TEX2: variants seen among roughly 807,000 people sequenced by gnomAD.
TEX2 encodes testis expressed 2, also known as testis-expressed protein 2.
A neutral mutation model predicts 106.9 loss-of-function variants in TEX2; 53 were observed. The ratio of observed to expected loss-of-function variants is 0.50; its 90% CI spans 0.40 to 0.62. TEX2 has a LOEUF of 0.62. Ranked by LOEUF, TEX2 falls within the 20% of genes least tolerant of loss-of-function variation. The probability of loss-of-function intolerance (pLI) is 0.00; values close to 1 mark genes in which losing one functional copy is unlikely to be tolerated. For missense variants in TEX2, 1,207 were observed against 1,379.0 expected (o/e 0.88, Z 1.98); for synonymous variants, 523 against 534.8 (o/e 0.98, Z 0.30).
Position 64,214,231 on chromosome 17 carries a change from A to G in TEX2, c.-14T>C, listed in dbSNP as rs782577678. The G allele has an allele frequency of 1.2e-6, 2 of 1,607,130 alleles. No individual in the cohort carries two copies. The highest frequency in any genetic ancestry group is 2.2e-5 in the East Asian group (1 of 44,770). ...CAGACTTGTCATTGCCGGCTTCACA[A>G]GGGCTCAGGCTCTGTGAAAACAGTG... On this transcript the variant is annotated 5_prime_UTR_variant, in exon 2 of 12. Transcript: ENST00000584379.
intron 1 of TEX2, among the ~76,000 whole-genome samples, chr17:64,216,089 C>T (rs895675185): frequency 6.6e-6 from 1 of 152,188 alleles, no homozygotes; most frequent in African/African-American, 2.4e-5. Flanking sequence ...ATTTGTGACC[C>T]TCAGGCTTTC....
intron 7 of TEX2, 34 bp downstream of exon 7, chr17:64,171,066 T>C (rs746181543): frequency 6.5e-7 from 1 of 1,544,804 alleles, no homozygotes; most frequent in Non-Finnish European, 8.9e-7. Flanking sequence ...AAGGATATAT[T>C]TTAACACTCA....
Position 64,148,087 on chromosome 17 carries a change from T to C in TEX2, c.*882A>G, listed in dbSNP as rs1222094591. On this transcript the variant is annotated 3_prime_UTR_variant, in exon 12 of 12. Transcript: ENST00000584379. ...GAAGGGAAATCTGCCCATGGAACTCTCCCAATCAGATTAACAAACTGTTTC... is the reference window on the plus strand; with the variant it reads ...GAAGGGAAATCTGCCCATGGAACTCCCCCAATCAGATTAACAAACTGTTTC... 2 of 152,420 alleles carry C rather than the reference T, an allele frequency of 1.3e-5. No individual in the cohort carries two copies. Among genetic ancestry groups the C allele is most frequent in the African/African-American group, 4.8e-5 (2 of 41,410 alleles). The allele number at this position is 152,420 out of a possible 1,614,324, so 9.4% of individuals were successfully genotyped here.
intron 1 of TEX2, among the ~76,000 whole-genome samples, chr17:64,262,201 A>T (rs1472818862): frequency 6.6e-6 from 1 of 152,220 alleles, no homozygotes; most frequent in Non-Finnish European, 1.5e-5. Flanking sequence ...CAAGGAGCCC[A>T]CAATTTTCCC....
chr17:64,197,185 T>C (rs1222801556), intron 2 of TEX2, among the ~76,000 whole-genome samples: 4 of 152,066 alleles, frequency 2.6e-5, no homozygotes, highest in African/African-American at 7.2e-5. Context: ...TGGAAGTTTG[T>C]GTAGAATTAA....
intron 8 of TEX2, chr17:64,155,908 G>C (rs954810875): frequency 6.6e-6 from 1 of 152,314 alleles, no homozygotes; most frequent in African/African-American, 2.4e-5. Flanking sequence ...CTGTGTCTGA[G>C]CCCAGAGACT....
rs114146305 is a variant in TEX2, at chr17:64,188,513, C to G, written c.2177-98G>C. ...AAGCAGCTACAATGCTATCAAATGACTGTTTAAAAATATTTATAAGGGGCT... is the reference window on the plus strand; with the variant it reads ...AAGCAGCTACAATGCTATCAAATGAGTGTTTAAAAATATTTATAAGGGGCT... On this transcript the variant is annotated intron_variant, in intron 4 of 11. Coordinates refer to ENST00000584379, the MANE Select transcript of TEX2 (RefSeq NM_001288732.2). 5.1e-6 allele frequency: 8 copies of G among 1,559,518 alleles called. No homozygotes were observed. In the African/African-American group the frequency reaches 1.1e-4, roughly 21 times the overall value.
chr17:64,214,783 T>C (rs1449694388), intron 1 of TEX2, among the ~76,000 whole-genome samples: 1 of 152,218 alleles, frequency 6.6e-6, no homozygotes, highest in Non-Finnish European at 1.5e-5. Flanking sequence ...TGCAAGTAAG[T>C]AGCAAAGTAT....
intron 1 of TEX2, among the ~76,000 whole-genome samples, chr17:64,262,426 A>G (rs576723668): frequency 6.6e-6 from 1 of 152,330 alleles, no homozygotes; most frequent in Admixed American, 6.5e-5. Flanking sequence ...ACTCCCCTGC[A>G]CCAACTCCCA....
At chr17:64,228,779 T>C (rs1231660099) in intron 1 of TEX2, among the ~76,000 whole-genome samples, 20 of 152,206 alleles carry the variant, frequency 1.3e-4, no homozygotes, top group African/African-American at 4.8e-4. Context: ...CATAGGCATT[T>C]TGTGTGCATA....
chr17:64,196,274 T>G (rs1598166696), intron 2 of TEX2, among the ~76,000 whole-genome samples: 1 of 151,952 alleles, frequency 6.6e-6, no homozygotes, highest in South Asian at 2.1e-4. Context: ...TCCAAAAGAG[T>G]AGAGAATTAG....
intron 1 of TEX2, among the ~76,000 whole-genome samples, chr17:64,249,835 T>C (rs1205688215): frequency 1.3e-5 from 2 of 152,188 alleles, no homozygotes; most frequent in Non-Finnish European, 2.9e-5. Context: ...GTTTGGTTTC[T>C]GGCTCAGAGC....
Position 64,214,052 on chromosome 17 carries a change from A to C in TEX2, c.166T>G (p.Phe56Val). ...EEEEEEFREY[F>V]EEGLDDQSIV... ...CTTTGGTCATCCAGCCCCTCCTCAA[A>C]GTACTCCCTGAACTCCTCCTCCTCT... Residue 56 changes from phenylalanine (F) to valine (V), a missense_variant, in exon 2 of 12, where the codon TTT becomes GTT. This residue lies in a region of TEX2 where 1,067 missense variants were observed against 1,193.6 expected (regional missense o/e 0.89). Transcript: ENST00000584379. 6.2e-7 allele frequency: 1 copy of C among 1,614,148 alleles called. No individual in the cohort carries two copies. Among genetic ancestry groups the C allele is most frequent in the Non-Finnish European group, 8.5e-7 (1 of 1,180,022 alleles).
intron 5 of TEX2, among the ~76,000 whole-genome samples, chr17:64,179,455 G>T (rs570057918): frequency 6.6e-6 from 1 of 152,326 alleles, no homozygotes; most frequent in Admixed American, 6.5e-5. Flanking sequence ...CCCTTACACA[G>T]TGTGGAAGCT....
chr17:64,199,817 C>G (rs1385636497), intron 2 of TEX2, among the ~76,000 whole-genome samples: 1 of 152,194 alleles, frequency 6.6e-6, no homozygotes, highest in East Asian at 1.9e-4. Flanking sequence ...AGAGACAGTT[C>G]AGGGCCAGTT....
At chr17:64,182,026 A>G (rs1216981169) in intron 5 of TEX2, among the ~76,000 whole-genome samples, 2 of 152,122 alleles carry the variant, frequency 1.3e-5, no homozygotes, top group South Asian at 2.1e-4. Flanking sequence ...ATATGTGTAC[A>G]CTGATGTTCA....
At chr17:64,238,200 T>TGA (rs2033812808) in intron 1 of TEX2, among the ~76,000 whole-genome samples, 1 of 152,082 alleles carries the variant, frequency 6.6e-6, no homozygotes, top group African/African-American at 2.4e-5. Context: ...CTCAGGAAGC[T>TGA]GAGGCAAGAG....
intron 1 of TEX2, among the ~76,000 whole-genome samples, chr17:64,259,355 G>A (rs1462629457): frequency 6.6e-6 from 1 of 152,172 alleles, no homozygotes; most frequent in Non-Finnish European, 1.5e-5. Flanking sequence ...AGTTTGGAAA[G>A]GAGCAACACA....
At position 64,195,116 on chromosome 17, in the gene TEX2, T is replaced by C. The variant is rs776279941; in HGVS notation, c.1645-21A>G. On this transcript the variant is annotated intron_variant, in intron 2 of 11. Transcript: ENST00000584379. The surrounding 1 kb of genome is among the most constrained non-coding windows in gnomAD (Gnocchi z 4.1). ...CATCCCTGATGAAGAAAAACTTCCATTAGTAATATCAGAATAATCGCAAAT... is the reference window on the plus strand; with the variant it reads ...CATCCCTGATGAAGAAAAACTTCCACTAGTAATATCAGAATAATCGCAAAT... The C allele has an allele frequency of 6.2e-7, 1 of 1,609,324 alleles. No individual in the cohort carries two copies. The highest frequency in any genetic ancestry group is 1.1e-5 in the South Asian group (1 of 90,940).
Sources: gnomAD v4.1 joint callset for allele counts (sites outside exome capture counted in the v4.1 genomes callset) on GRCh38, gnomAD v4.1.1 for gene constraint, gnomAD v4.1.1 regional missense constraint, Gnocchi (gnomAD v3.1) non-coding constraint, MANE v1.5 for transcripts, NCBI Gene and HGNC (gene_info 2026-07-23, HGNC 2026-07-21) for gene names.